Variants in ASIC2 observed in about 807,000 individuals in gnomAD.
ASIC2 encodes acid-sensing ion channel 2.
A neutral mutation model predicts 57.3 loss-of-function variants in ASIC2; 25 were observed. The observed-to-expected ratio is 0.44, with a 90% CI of 0.32 to 0.61. The LOEUF is 0.61. Among genes scored for constraint, ASIC2 ranks in the 20% least tolerant of loss-of-function variants. ASIC2 has a pLI of 0.06. For synonymous variants in ASIC2, 319 were observed against 307.5 expected (o/e 1.04, Z -0.39); for missense variants, 641 against 738.1 (o/e 0.87, Z 1.52).
At chr17:33,922,793 A>C (rs754184709) in intron 1 of ASIC2, among the ~76,000 whole-genome samples, 1 of 152,176 alleles carries the variant, frequency 6.6e-6, no homozygotes, top group African/African-American at 2.4e-5. Context: ...GAGTTCCAAC[A>C]CACATGTTCT....
intron 1 of ASIC2, among the ~76,000 whole-genome samples, chr17:34,060,002 T>A (rs915535886): frequency 2.6e-5 from 4 of 152,200 alleles, no homozygotes; most frequent in Non-Finnish European, 4.4e-5. Flanking sequence ...AGCTGATACT[T>A]TCTGGAAAGT....
chr17:33,763,710 C>T (rs1910852418), intron 1 of ASIC2, among the ~76,000 whole-genome samples: 1 of 152,202 alleles, frequency 6.6e-6, no homozygotes, highest in Non-Finnish European at 1.5e-5. Flanking sequence ...ATGGCTGCTC[C>T]TTCCTTCTGG....
intron 1 of ASIC2, among the ~76,000 whole-genome samples, chr17:33,393,940 C>A (rs2141954367): frequency 6.6e-6 from 1 of 152,334 alleles, no homozygotes; most frequent in South Asian, 2.1e-4. Context: ...GCCATGTAAT[C>A]TTGGGCAAGT....
At chr17:34,037,901 G>A in intron 1 of ASIC2, 1 of 1,613,820 alleles carries the variant, frequency 6.2e-7, no homozygotes, top group Non-Finnish European at 8.5e-7. Context: ...ATGGCCAAAA[G>A]GCTTCCTTCC....
At chr17:33,724,185 A>G (rs1909473927) in intron 1 of ASIC2, among the ~76,000 whole-genome samples, 1 of 152,148 alleles carries the variant, frequency 6.6e-6, no homozygotes, top group Non-Finnish European at 1.5e-5. Flanking sequence ...CATATAAGAC[A>G]TGACTTTCAT....
At chr17:33,709,076 C>T (rs944474751) in intron 1 of ASIC2, among the ~76,000 whole-genome samples, 14 of 152,202 alleles carry the variant, frequency 9.2e-5, no homozygotes, top group Admixed American at 7.9e-4. Flanking sequence ...ACATTCAATA[C>T]TCTGTAAAAG....
intron 1 of ASIC2, among the ~76,000 whole-genome samples, chr17:34,018,243 G>A (rs1245721719): frequency 6.6e-6 from 1 of 152,138 alleles, no homozygotes; most frequent in Non-Finnish European, 1.5e-5. Flanking sequence ...GAACAACAAA[G>A]CCTGGATGTC....
chr17:33,774,800 A>G (rs1181629146), intron 1 of ASIC2, among the ~76,000 whole-genome samples: 1 of 152,212 alleles, frequency 6.6e-6, no homozygotes, highest in Non-Finnish European at 1.5e-5. Flanking sequence ...TGCAACATGT[A>G]CCATCCCTAG....
At chr17:34,129,866 G>A (rs1204602465) in intron 1 of ASIC2, among the ~76,000 whole-genome samples, 3 of 152,136 alleles carry the variant, frequency 2.0e-5, no homozygotes, top group African/African-American at 7.2e-5. Flanking sequence ...ACAGAACAAA[G>A]GCTAAAGCTA....
At chr17:33,587,696 T>A (rs1904683727) in intron 1 of ASIC2, among the ~76,000 whole-genome samples, 1 of 152,214 alleles carries the variant, frequency 6.6e-6, no homozygotes, top group Admixed American at 6.5e-5. Context: ...CAGACCTCTG[T>A]CCACTTGTAT....
intron 1 of ASIC2, among the ~76,000 whole-genome samples, chr17:33,497,156 C>T (rs896871239): frequency 1.3e-5 from 2 of 152,210 alleles, no homozygotes; most frequent in African/African-American, 2.4e-5. Flanking sequence ...TGATTTGTCT[C>T]CACAGCATCC....
chr17:33,819,619 G>T (rs140748611), intron 1 of ASIC2, among the ~76,000 whole-genome samples: 1 of 152,326 alleles, frequency 6.6e-6, no homozygotes, highest in African/African-American at 2.4e-5. Flanking sequence ...GATCATTGCA[G>T]TTTGGGAAAT....
intron 1 of ASIC2, among the ~76,000 whole-genome samples, chr17:33,941,864 G>A (rs2141979216): frequency 6.6e-6 from 1 of 152,308 alleles, no homozygotes; most frequent in South Asian, 2.1e-4. Flanking sequence ...CTGTGAGCCT[G>A]CAGCTTCCAC....
chr17:33,699,583 T>A (rs1033164896), intron 1 of ASIC2, among the ~76,000 whole-genome samples: 63 of 152,216 alleles, frequency 4.1e-4, no homozygotes, highest in African/African-American at 1.3e-3. Context: ...TTTCTCCTTG[T>A]GGACAATGGT....
intron 1 of ASIC2, among the ~76,000 whole-genome samples, chr17:33,237,416 T>C (rs990739251): frequency 1.3e-5 from 2 of 151,906 alleles, no homozygotes; most frequent in Non-Finnish European, 2.9e-5. Context: ...AATGGCATGA[T>C]CTCAGCTCAC....
At chr17:33,096,494 G>A (rs925398231) in intron 2 of ASIC2, among the ~76,000 whole-genome samples, 7 of 152,212 alleles carry the variant, frequency 4.6e-5, no homozygotes, top group Admixed American at 3.3e-4. Context: ...GCCTCCAAGC[G>A]TGTTTCTGAT....
intron 1 of ASIC2, among the ~76,000 whole-genome samples, chr17:33,261,684 T>C (rs1909285552): frequency 6.6e-6 from 1 of 152,162 alleles, no homozygotes; most frequent in South Asian, 2.1e-4. Context: ...GCAAATACTA[T>C]GATTATATGA....
chr17:33,694,081 A>AT (rs1407161892), intron 1 of ASIC2, among the ~76,000 whole-genome samples: 2 of 152,008 alleles, frequency 1.3e-5, no homozygotes, highest in Non-Finnish European at 1.5e-5. Context: ...TAGCTCTAAG[A>AT]TTTTTTCCCA....
At chr17:33,919,592 C>G (rs1915666684) in intron 1 of ASIC2, among the ~76,000 whole-genome samples, 2 of 152,076 alleles carry the variant, frequency 1.3e-5, no homozygotes, top group Admixed American at 6.5e-5. Flanking sequence ...TAGGAAATAC[C>G]ATTCTGGAAA....
Sources: gnomAD v4.1 joint callset for allele counts (sites outside exome capture counted in the v4.1 genomes callset) on GRCh38, gnomAD v4.1.1 for gene constraint, MANE v1.5 for transcripts, NCBI Gene and HGNC (gene_info 2026-07-23, HGNC 2026-07-21) for gene names.